C20orf96: variants seen among roughly 807,000 people sequenced by gnomAD.
C20orf96 encodes chromosome 20 open reading frame 96.
In C20orf96, 57 loss-of-function variants were observed where a neutral mutation model predicts 52.6. The observed-to-expected ratio is 1.08, with a 90% CI of 0.88 to 1.35. The LOEUF (loss-of-function observed/expected upper bound fraction) is 1.35, where lower values mean the gene tolerates loss of function less well. Ranked by LOEUF, C20orf96 falls within the 40% of genes most tolerant of loss-of-function variation. C20orf96 has a pLI of 0.00. For missense variants in C20orf96, 478 were observed against 443.6 expected (o/e 1.08, Z -0.70); for synonymous variants, 168 against 157.2 (o/e 1.07, Z -0.51).
At chr20:279,860 C>G (rs2012205041) in intron 4 of C20orf96, among the ~76,000 whole-genome samples, 1 of 152,056 alleles carries the variant, frequency 6.6e-6, no homozygotes, top group Admixed American at 6.5e-5. Flanking sequence ...ATGCCAGCTA[C>G]TGGGGAGGCT....
At chr20:279,383 GC>G in intron 4 of C20orf96, 53 bp from the exon 5 acceptor site, 3 of 1,549,482 alleles carry the variant, frequency 1.9e-6, no homozygotes, top group Non-Finnish European at 2.6e-6. Context: ...CCCGGCCTGA[GC>G]CCCCGAAAGC....
intron 6 of C20orf96, 114 bp from the exon 7 acceptor site, chr20:277,497 G>T: frequency 9.9e-7 from 1 of 1,009,082 alleles, no homozygotes. Context: ...TGGGGTCTGG[G>T]CTGAGGTGAG....
At chr20:286,067 T>C (rs547443886) in intron 3 of C20orf96, among the ~76,000 whole-genome samples, 17 of 152,350 alleles carry the variant, frequency 1.1e-4, no homozygotes, top group African/African-American at 4.1e-4. Context: ...TTTATAAAAA[T>C]TGTAAGATTC....
chr20:286,279 G>A (rs916884215), intron 3 of C20orf96, among the ~76,000 whole-genome samples: 1 of 152,164 alleles, frequency 6.6e-6, no homozygotes, highest in Non-Finnish European at 1.5e-5. Context: ...CACTTTGGGA[G>A]GCTGAGGCAT....
chr20:290,132 C>A, intron 2 of C20orf96, 127 bp downstream of exon 2: 1 of 702,818 alleles, frequency 1.4e-6, no homozygotes, highest in Non-Finnish European at 2.4e-6. Flanking sequence ...AAAGTGTGAC[C>A]CGGCTGGGAC....
chr20:273,682 C>G (rs966104539), intron 10 of C20orf96, among the ~76,000 whole-genome samples: 1 of 151,850 alleles, frequency 6.6e-6, no homozygotes, highest in Non-Finnish European at 1.5e-5. Flanking sequence ...TTGAGACCAG[C>G]CTGGCCAACA....
In C20orf96 at chr20:278,414, A is replaced by G; in HGVS notation, c.481T>C (p.Leu161=). The G allele has an allele frequency of 6.2e-7, 1 of 1,613,738 alleles. No individual in the cohort carries two copies. The highest frequency in any genetic ancestry group is 8.5e-7 in the Non-Finnish European group (1 of 1,179,808). The change falls in exon 6 of 11, where the codon TTG becomes CTG. Residue 161 remains leucine, a synonymous_variant. Coordinates refer to ENST00000360321, the MANE Select transcript of C20orf96 (RefSeq NM_153269.3). ...QDTLATIIDI[L]EYSNKKRLQQ... Reference sequence around the variant, plus strand: ...AGCCTCTTCTTGTTTGAGTACTCCAAGATGTCGATGATGGTCTGCGGGAGG... The same window carrying G: ...AGCCTCTTCTTGTTTGAGTACTCCAGGATGTCGATGATGGTCTGCGGGAGG...
chr20:273,378 A>G (rs1214745739), intron 10 of C20orf96, among the ~76,000 whole-genome samples: 1 of 152,164 alleles, frequency 6.6e-6, no homozygotes, highest in Non-Finnish European at 1.5e-5. Context: ...CCTACAGGGC[A>G]CTGCATGGAG....
intron 10 of C20orf96, among the ~76,000 whole-genome samples, chr20:272,040 G>A (rs887136275): frequency 2.0e-5 from 3 of 151,638 alleles, no homozygotes; most frequent in Non-Finnish European, 2.9e-5. Flanking sequence ...AAGTATTTAG[G>A]CAGGAAATGT....
intron 2 of C20orf96, 31 bp from the exon 3 acceptor site, chr20:289,707 C>T (rs2012487956): frequency 6.5e-7 from 1 of 1,547,404 alleles, no homozygotes; most frequent in African/African-American, 1.4e-5. Context: ...CACATAGCAC[C>T]ATGAGTTTAT....
chr20:274,800 T>C (rs1355338473), intron 10 of C20orf96, among the ~76,000 whole-genome samples: 2 of 148,738 alleles, frequency 1.3e-5, no homozygotes, highest in African/African-American at 4.8e-5. Flanking sequence ...AGTTGCTTTC[T>C]TTTTTCTTTT....
At position 290,724 on chromosome 20, in the gene C20orf96, T is replaced by C. The variant is rs1203751083; in HGVS notation, c.-114A>G. ...TAGATCGCGCGGTAACCCAGGCCAC[T>C]CAGAAGTCCCGAGACCCGATGCTTT... On this transcript the variant is annotated 5_prime_UTR_variant, in exon 1 of 11. Coordinates refer to ENST00000360321, the MANE Select transcript of C20orf96 (RefSeq NM_153269.3). The C allele has an allele frequency of 1.5e-6, 2 of 1,315,406 alleles. No homozygotes were observed. The highest frequency in any genetic ancestry group is 2.4e-5 in the East Asian group (1 of 42,122). The allele number at this position is 1,315,406 out of a possible 1,614,324, so 81.5% of individuals were successfully genotyped here.
Position 284,121 on chromosome 20 carries a change from C to A in C20orf96, c.188-40G>T, listed in dbSNP as rs557519609. On this transcript the variant is annotated intron_variant, in intron 3 of 10. Coordinates refer to ENST00000360321, the MANE Select transcript of C20orf96 (RefSeq NM_153269.3). ...GAAAGGACAGGGAGAGAGTGAGGGT[C>A]CCGGAAGGCCTGAGGCCAGGTTCCC... is the stretch of plus-strand genomic sequence containing the variant. 3.2e-6 allele frequency: 5 copies of A among 1,542,962 alleles called. No homozygotes were observed. The Admixed American group carries it at 5.0e-5, about 15-fold the overall frequency.
chr20:290,513 G>C, intron 1 of C20orf96, 78 bp downstream of exon 1: 3 of 1,581,600 alleles, frequency 1.9e-6, no homozygotes, highest in Admixed American at 1.8e-5. Flanking sequence ...AGGCGAGGGC[G>C]GGACAGCGGC....
At chr20:276,609 G>C (rs1182226061) in intron 9 of C20orf96, 184 bp downstream of exon 9, 6 of 1,441,076 alleles carry the variant, frequency 4.2e-6, no homozygotes, top group Non-Finnish European at 5.5e-6. Context: ...CTAGGTCAGT[G>C]CCAATCGCCT....
At position 271,083 on chromosome 20, in the gene C20orf96, G is replaced by T; in HGVS notation, c.*124C>A. The T allele has an allele frequency of 1.3e-6, 1 of 759,438 alleles. No individual in the cohort carries two copies. The allele number at this position is 759,438 out of a possible 1,614,324, so 47.0% of individuals were successfully genotyped here. On this transcript the variant is annotated 3_prime_UTR_variant, in exon 11 of 11. Coordinates refer to ENST00000360321, the MANE Select transcript of C20orf96 (RefSeq NM_153269.3). ...GGAGGGAAAGAAAGAGGGAGGAAGG[G>T]CAGAGGGAGCAGGGAGACTGTAGAT... is the stretch of plus-strand genomic sequence containing the variant.
Position 276,847 on chromosome 20 carries a change from T to C in C20orf96, c.858A>G (p.Leu286=), listed in dbSNP as rs1426606835. The C allele has an allele frequency of 6.2e-7, 1 of 1,613,898 alleles. No homozygotes were observed. Among genetic ancestry groups the C allele is most frequent in the East Asian group, 2.2e-5 (1 of 44,878 alleles). Residue 286 remains leucine (L), a synonymous_variant, in exon 9 of 11, where the codon CTA becomes CTG. Transcript: ENST00000360321. Reference sequence around the variant, plus strand: ...AGTCCTGGCTTTCCCACATCTTCTGTAGGAGAGCCTCTTCATAGGGACGCT... The same window carrying C: ...AGTCCTGGCTTTCCCACATCTTCTGCAGGAGAGCCTCTTCATAGGGACGCT... ...ETQRPYEEAL[L]QKMWESQDFL... is the part of the protein sequence containing the mutation.
rs1380758903 is a variant in C20orf96, at chr20:277,145, C to T, written c.724G>A (p.Asp242Asn). 6.2e-7 allele frequency: 1 copy of T among 1,613,852 alleles called. No homozygotes were observed. The part of the protein sequence containing the change: ...QLQQVKDSQQ[D>N]ELDDLGEMRR... ...ATCTCACCGAGGTCATCCAGCTCAT[C>T]CTGGGAGCCAGCAGAAGGGTGTTGG... The change falls in exon 8 of 11, where the codon GAT becomes AAT. Residue 242 changes from aspartate to asparagine, a missense_variant and splice_region_variant. Transcript: ENST00000360321.
At position 283,987 on chromosome 20, in the gene C20orf96, C is replaced by T. The variant is rs137926498; in HGVS notation, c.282G>A (p.Met94Ile). ...CCTTCATTAACCAGATTTTGGCATG[C>T]ATCTTCCCAGGGTCCAACTTCCGCC... The part of the protein sequence containing the change: ...HRRRKLDPGK[M>I]HAKIWLMKTS... The change falls in exon 4 of 11, where the codon ATG becomes ATA. Residue 94 changes from methionine to isoleucine, a missense_variant. By Grantham distance (10) the Met-to-Ile change is conservative. Coordinates refer to ENST00000360321, the MANE Select transcript of C20orf96 (RefSeq NM_153269.3). The T allele has an allele frequency of 6.1e-5, 99 of 1,613,960 alleles. No homozygotes were observed. In the African/African-American group the frequency reaches 1.0e-3, roughly 17 times the overall value.
Sources: gnomAD v4.1 joint callset for allele counts (sites outside exome capture counted in the v4.1 genomes callset) on GRCh38, gnomAD v4.1.1 for gene constraint, MANE v1.5 for transcripts, NCBI Gene and HGNC (gene_info 2026-07-23, HGNC 2026-07-21) for gene names.